WASF3: variants seen among roughly 807,000 people sequenced by gnomAD.
WASF3 encodes WASP family member 3.
WASF3 carries 11 observed loss-of-function variants against 46.6 expected under a neutral mutation model. The observed-to-expected ratio is 0.24, with a 90% CI of 0.15 to 0.39. The LOEUF (loss-of-function observed/expected upper bound fraction) is 0.39. WASF3 is among the 10% of genes least tolerant of loss of function. The probability of loss-of-function intolerance (pLI) is 1.00; values close to 1 mark genes in which losing one functional copy is unlikely to be tolerated. For synonymous variants in WASF3, 242 were observed against 259.7 expected, an observed-to-expected ratio of 0.93 and a Z score of 0.65; for missense variants, 576 against 669.8, an observed-to-expected ratio of 0.86 and a Z score of 1.55.
chr13:26,577,956 CAT>C (rs1566040148), intron 1 of WASF3, among the ~76,000 whole-genome samples: 2 of 152,178 alleles, frequency 1.3e-5, no homozygotes. Flanking sequence ...TAATTTGTAT[CAT>C]GTGACTTTGT....
chr13:26,619,602 A>G (rs1048254997), intron 2 of WASF3: 7 of 152,248 alleles, frequency 4.6e-5, no homozygotes, highest in Non-Finnish European at 8.8e-5. Flanking sequence ...TATCAAAAAT[A>G]CAAAACAGAG....
chr13:26,553,709 T>C (rs1003791529), upstream of WASF3, among the ~76,000 whole-genome samples: 2 of 151,358 alleles, frequency 1.3e-5, no homozygotes, highest in South Asian at 2.1e-4. Flanking sequence ...CCCAGCTACT[T>C]GGGAGGCTGA....
the WASF3 span, among the ~76,000 whole-genome samples, chr13:26,540,141 G>C: frequency 2.0e-5 from 3 of 152,296 alleles, no homozygotes; most frequent in African/African-American, 7.2e-5. Context: ...CAGAGCCCTA[G>C]AAGGACTGAC....
chr13:26,667,384 T>A, intron 4 of WASF3, 133 bp from the exon 5 acceptor site: 1 of 790,552 alleles, frequency 1.3e-6, no homozygotes, highest in Non-Finnish European at 1.9e-6. Flanking sequence ...TAAACATGGT[T>A]TTTAAATGGA....
intron 1 of WASF3, among the ~76,000 whole-genome samples, chr13:26,558,241 C>G (rs1879164582): frequency 1.3e-5 from 2 of 152,110 alleles, no homozygotes; most frequent in Admixed American, 1.3e-4. Context: ...ACCTTCGCAT[C>G]CGTTCAGTGT....
intron 1 of WASF3, among the ~76,000 whole-genome samples, 155 bp from the exon 2 acceptor site, chr13:26,612,806 T>C (rs985251504): frequency 2.0e-5 from 3 of 152,326 alleles, no homozygotes; most frequent in Admixed American, 2.0e-4. Context: ...TCACACACCT[T>C]ATTAGCTCCT....
chr13:26,639,054 A>G (rs921509686), intron 2 of WASF3, among the ~76,000 whole-genome samples: 1 of 152,236 alleles, frequency 6.6e-6, no homozygotes, highest in Non-Finnish European at 1.5e-5. Flanking sequence ...GCCCAGAATC[A>G]TAAGCCAAAT....
chr13:26,671,426 AAG>A (rs1464072991), intron 5 of WASF3, among the ~76,000 whole-genome samples: 3 of 152,224 alleles, frequency 2.0e-5, no homozygotes, highest in South Asian at 4.1e-4. Flanking sequence ...TATTGAGAAA[AAG>A]AGATAAGAGT....
intron 3 of WASF3, among the ~76,000 whole-genome samples, chr13:26,664,220 G>C (rs758752097): frequency 6.6e-6 from 1 of 152,218 alleles, no homozygotes; most frequent in African/African-American, 2.4e-5. Context: ...GTGATAAACT[G>C]ATAGAAAATG....
intron 1 of WASF3, among the ~76,000 whole-genome samples, chr13:26,571,573 C>A (rs921324123): frequency 6.6e-6 from 1 of 152,152 alleles, no homozygotes; most frequent in East Asian, 1.9e-4. Context: ...TATTTTTGGG[C>A]GTTCCATTCC....
At position 26,574,982 on chromosome 13, in the gene WASF3, A is replaced by G. The variant is rs558654927; in HGVS notation, c.-109+17163A>G. ...CTCTGGAGTAGCTGGGACTACAGGC[A>G]CCTGCCACCACGCCCGGCTAATTTT... On this transcript the variant is annotated intron_variant, in intron 1 of 9. Transcript: ENST00000335327. 6.6e-3 allele frequency among the ~76,000 whole-genome samples: 998 copies of G among 151,860 alleles called. 15 individuals are homozygous for G. Among genetic ancestry groups the G allele is most frequent in the African/African-American group, 0.023 (955 of 41,410 alleles).
chr13:26,599,473 T>G (rs1053486918), intron 1 of WASF3, among the ~76,000 whole-genome samples: 13 of 152,156 alleles, frequency 8.5e-5, no homozygotes, highest in Non-Finnish European at 4.4e-5. Flanking sequence ...ACATAGGGGC[T>G]CTCTCAGCTC....
upstream of WASF3, among the ~76,000 whole-genome samples, chr13:26,553,730 T>C (rs1879018641): frequency 6.6e-6 from 1 of 150,648 alleles, no homozygotes; most frequent in African/African-American, 2.4e-5. Context: ...GGCAGGAGAA[T>C]GGTGTGAACC....
At chr13:26,619,202 G>A (rs1400125724) in intron 2 of WASF3, 2 of 152,136 alleles carry the variant, frequency 1.3e-5, no homozygotes, top group African/African-American at 4.8e-5. Context: ...TACACAACCT[G>A]CTTATAAGTG....
intron 1 of WASF3, chr13:26,576,926 A>C: frequency 1.3e-6 from 1 of 776,416 alleles, no homozygotes; most frequent in Non-Finnish European, 2.2e-6. Context: ...AAAGGAGGCA[A>C]AAAGGGAGCC....
chr13:26,567,582 A>G (rs1453708614), intron 1 of WASF3, among the ~76,000 whole-genome samples: 1 of 152,070 alleles, frequency 6.6e-6, no homozygotes, highest in African/African-American at 2.4e-5. Context: ...AGTACGACAT[A>G]TTTGCTATCT....
intron 3 of WASF3, among the ~76,000 whole-genome samples, chr13:26,659,151 G>C (rs1465314250): frequency 6.6e-6 from 1 of 152,236 alleles, no homozygotes; most frequent in African/African-American, 2.4e-5. Flanking sequence ...TGAGGTGATG[G>C]CATTTAGCCA....
chr13:26,578,707 CTGTT>C (rs1328417352), intron 1 of WASF3, among the ~76,000 whole-genome samples: 1 of 152,156 alleles, frequency 6.6e-6, no homozygotes, highest in African/African-American at 2.4e-5. Context: ...CTGTCTGTCT[CTGTT>C]TGGCACTCTA....
the WASF3 span, among the ~76,000 whole-genome samples, chr13:26,542,197 T>A: frequency 6.6e-6 from 1 of 152,228 alleles, no homozygotes; most frequent in African/African-American, 2.4e-5. Flanking sequence ...AGAATTATGA[T>A]CTTTGGCACA....
Sources: gnomAD v4.1 joint callset for allele counts (sites outside exome capture counted in the v4.1 genomes callset) on GRCh38, gnomAD v4.1.1 for gene constraint, MANE v1.5 for transcripts, NCBI Gene and HGNC (gene_info 2026-07-23, HGNC 2026-07-21) for gene names.